GNA11: variants seen among roughly 807,000 people sequenced by gnomAD.
GNA11 encodes the protein G protein subunit alpha 11.
GNA11 carries 8 observed loss-of-function variants against 38.2 expected under a neutral mutation model. The ratio of observed to expected loss-of-function variants is 0.21; its 90% CI spans 0.12 to 0.38. GNA11 has a LOEUF of 0.38. Ranked by LOEUF, GNA11 falls within the 10% of genes least tolerant of loss-of-function variation. GNA11 has a pLI of 1.00. For missense variants in GNA11, 268 were observed against 516.3 expected, an observed-to-expected ratio of 0.52 and a Z score of 4.66; for synonymous variants, 211 against 221.4, an observed-to-expected ratio of 0.95 and a Z score of 0.42.
Position 3,108,946 on chromosome 19 carries a change from G to A in GNA11, c.137-1203G>A, listed in dbSNP as rs1448343685. On this transcript the variant is annotated intron_variant, in intron 1 of 6. Transcript: ENST00000078429. The surrounding 1 kb of genome is among the most constrained non-coding windows in gnomAD (Gnocchi z 4.5). ...GTGAAGCTGCTTGAGGGTCCTCACA[G>A]CGTGGCGGCTGCCTACCCCAGAGCC... Among the ~76,000 whole-genome samples the A allele has an allele frequency of 6.6e-6, 1 of 152,222 alleles. No individual in the cohort carries two copies. The highest frequency in any genetic ancestry group is 1.9e-4 in the East Asian group (1 of 5,186).
intron 1 of GNA11, among the ~76,000 whole-genome samples, chr19:3,104,735 C>T (rs1214417962): frequency 6.6e-6 from 1 of 152,126 alleles, no homozygotes; most frequent in East Asian, 1.9e-4. Flanking sequence ...ACAGCCCCTG[C>T]GCTCAGGAAG....
At chr19:3,103,071 GGGCTC>G (rs1218643905) in intron 1 of GNA11, among the ~76,000 whole-genome samples, 3 of 152,308 alleles carry the variant, frequency 2.0e-5, no homozygotes, top group Non-Finnish European at 4.4e-5. Flanking sequence ...GGGCACTGTG[GGGCTC>G]GGCTCAGGCG....
intron 1 of GNA11, among the ~76,000 whole-genome samples, chr19:3,100,489 AC>A (rs1913475845): frequency 6.6e-6 from 1 of 152,192 alleles, no homozygotes; most frequent in Admixed American, 6.5e-5. Flanking sequence ...TCATTGGCTG[AC>A]TGAAGGCAGA....
chr19:3,110,470 TC>T lies in GNA11; in HGVS notation c.321+139del, dbSNP rs1913746794. 6 of 656,318 alleles carry T rather than the reference TC, an allele frequency of 9.1e-6. No individual in the cohort carries two copies. The highest frequency in any genetic ancestry group is 5.4e-5 in the East Asian group (2 of 36,770). 40.7% of individuals were successfully genotyped at this position (656,318 alleles called of 1,614,324 possible). ...AGGCTACCCCTGGTCATCCATCCGT[TC>T]CTGTCATGGACATGGAAACAGCAAC... On this transcript the variant is annotated intron_variant, in intron 2 of 6. Coordinates refer to ENST00000078429, the MANE Select transcript of GNA11 (RefSeq NM_002067.5). This position sits in a 1 kb window ranked among gnomAD's most constrained non-coding sequence, Gnocchi z 5.4.
intron 4 of GNA11, among the ~76,000 whole-genome samples, chr19:3,115,737 C>G: frequency 1.4e-5 from 1 of 72,226 alleles, no homozygotes; most frequent in African/African-American, 5.5e-5. Context: ...TCATGGGGAC[C>G]GAGGCTGTGA....
At position 3,121,590 on chromosome 19, in the gene GNA11, C is replaced by T. The variant is rs753366009; in HGVS notation, c.*411C>T. On this transcript the variant is annotated 3_prime_UTR_variant, in exon 7 of 7. Transcript: ENST00000078429. Reference sequence around the variant, plus strand: ...GGGCCCCGCCCTGCAGCCAGTCACGCGCCCCCACACCGCAGCCCCCCGTGG... The same window carrying T: ...GGGCCCCGCCCTGCAGCCAGTCACGTGCCCCCACACCGCAGCCCCCCGTGG... 8.1e-5 allele frequency: 19 copies of T among 234,404 alleles called. No individual in the cohort carries two copies. Among genetic ancestry groups the T allele is most frequent in the Non-Finnish European group, 1.3e-4 (15 of 119,010 alleles). The allele number at this position is 234,404 out of a possible 1,614,324, so 14.5% of individuals were successfully genotyped here.
chr19:3,096,043 G>T (rs1913355909), intron 1 of GNA11, among the ~76,000 whole-genome samples: 1 of 152,212 alleles, frequency 6.6e-6, no homozygotes, highest in Non-Finnish European at 1.5e-5. Context: ...GGTGGGGAAG[G>T]TCGGAAATGC....
intron 1 of GNA11, among the ~76,000 whole-genome samples, chr19:3,104,600 G>A (rs922340252): frequency 6.6e-6 from 1 of 152,198 alleles, no homozygotes; most frequent in Non-Finnish European, 1.5e-5. Flanking sequence ...GGAGTGCGGG[G>A]GACCCAATGG....
chr19:3,113,221 C>T (rs1021312097), intron 2 of GNA11, 109 bp from the exon 3 acceptor site: 23 of 1,034,412 alleles, frequency 2.2e-5, no homozygotes, highest in African/African-American at 1.1e-4. Flanking sequence ...GCACAGCCTG[C>T]GGAATGCCGC....
chr19:3,118,558 G>A, intron 4 of GNA11: 1 of 234,078 alleles, frequency 4.3e-6, no homozygotes, highest in South Asian at 8.1e-5. Flanking sequence ...GAGGGGAAAG[G>A]CTTCTGTGCT....
chr19:3,121,378 C>G lies in GNA11; in HGVS notation c.*199C>G. 1 of 424,098 alleles carries G rather than the reference C, an allele frequency of 2.4e-6. No homozygotes were observed. Among genetic ancestry groups the G allele is most frequent in the South Asian group, 5.6e-5 (1 of 17,850 alleles). 26.3% of individuals were successfully genotyped at this position (424,098 alleles called of 1,614,324 possible). ...GGATGTACATCTCTCCCTCCGTACA[C>G]TTCGCGCACCTTCTCACCTTTTGTC... On this transcript the variant is annotated 3_prime_UTR_variant, in exon 7 of 7. Transcript: ENST00000078429.
At position 3,122,056 on chromosome 19, in the gene GNA11, G is replaced by T. The variant is rs538275714; in HGVS notation, c.*877G>T. On this transcript the variant is annotated 3_prime_UTR_variant, in exon 7 of 7. Transcript: ENST00000078429. This position sits in a 1 kb window ranked among gnomAD's most constrained non-coding sequence, Gnocchi z 7.7. ...CTCCAGAGGGCTGCACGGCCACCCT[G>T]CCCTGGCTAGAGCGCACCCCACCGG... 16 of 233,332 alleles carry T rather than the reference G, an allele frequency of 6.9e-5. No individual in the cohort carries two copies. Among genetic ancestry groups the T allele is most frequent in the African/African-American group, 2.4e-4 (11 of 45,430 alleles). 14.5% of individuals were successfully genotyped at this position (233,332 alleles called of 1,614,324 possible). A position where few individuals can be genotyped will look rare whatever the true frequency, so the allele number is the denominator to read the frequency against.
chr19:3,105,524 G>A (rs548197657), intron 1 of GNA11, among the ~76,000 whole-genome samples: 2 of 152,188 alleles, frequency 1.3e-5, no homozygotes, highest in East Asian at 1.9e-4. Flanking sequence ...TCATGCGGAC[G>A]GGATCCCTCC....
intron 1 of GNA11, among the ~76,000 whole-genome samples, chr19:3,095,751 C>G (rs1913347598): frequency 6.6e-6 from 1 of 152,036 alleles, no homozygotes. Context: ...TCTCGGCAGC[C>G]TCCCCCGCCC....
At chr19:3,114,801 CT>C in intron 3 of GNA11, 142 bp from the exon 4 acceptor site, 1 of 751,124 alleles carries the variant, frequency 1.3e-6, no homozygotes, top group Non-Finnish European at 2.1e-6. Flanking sequence ...CTCCGGGCTG[CT>C]TCAGACACTG....
intron 1 of GNA11, among the ~76,000 whole-genome samples, chr19:3,105,111 G>A (rs7256828): frequency 0.063 from 9,407 of 149,860 alleles, 557 homozygotes; most frequent in African/African-American, 0.15. Context: ...GGGTGCATGT[G>A]AAGTTGGGTT....
At chr19:3,107,686 T>TC (rs1365775862) in intron 1 of GNA11, among the ~76,000 whole-genome samples, 5 of 152,110 alleles carry the variant, frequency 3.3e-5, no homozygotes, top group Non-Finnish European at 7.4e-5. Flanking sequence ...ACTGGCACTG[T>TC]CTGGGGACAT....
chr19:3,113,392 C>T lies in GNA11; in HGVS notation c.384C>T (p.Tyr128=), dbSNP rs531521209. Residue 128 remains tyrosine (Y), a synonymous_variant, in exon 3 of 7, where the codon TAC becomes TAT. Coordinates refer to ENST00000078429, the MANE Select transcript of GNA11 (RefSeq NM_002067.5). ...VEKVTTFEHQ[Y]VSAIKTLWED... ...AGGTGACCACCTTCGAGCATCAGTA[C>T]GTCAGTGCCATCAAGACCCTGTGGG... 9.9e-6 allele frequency: 16 copies of T among 1,613,194 alleles called. No homozygotes were observed. In the East Asian group the frequency reaches 2.2e-4, roughly 22 times the overall value.
intron 4 of GNA11, 157 bp downstream of exon 4, chr19:3,115,229 C>T: frequency 5.2e-6 from 4 of 764,266 alleles, no homozygotes; most frequent in Non-Finnish European, 8.4e-6. Flanking sequence ...CATAGCCAGA[C>T]CTCATATCTA....
Sources: gnomAD v4.1 joint callset for allele counts (sites outside exome capture counted in the v4.1 genomes callset) on GRCh38, gnomAD v4.1.1 for gene constraint, Gnocchi (gnomAD v3.1) non-coding constraint, MANE v1.5 for transcripts, NCBI Gene and HGNC (gene_info 2026-07-23, HGNC 2026-07-21) for gene names.